Variants in NELL1 observed in about 807,000 individuals in gnomAD.
The protein encoded by NELL1 is protein kinase C-binding protein NELL1.
NELL1 carries 76 observed loss-of-function variants against 107.4 expected under a neutral mutation model. The observed-to-expected ratio is 0.71, with a 90% CI of 0.59 to 0.86. The LOEUF (loss-of-function observed/expected upper bound fraction) is 0.86. NELL1 is among the 40% of genes least tolerant of loss of function. NELL1 has a pLI of 0.00. For missense variants in NELL1, 1,024 were observed against 1,005.5 expected (o/e 1.02, Z -0.25); for synonymous variants, 353 against 341.2 (o/e 1.03, Z -0.38).
At chr11:20,784,957 A>G (rs1274269240) in intron 3 of NELL1, among the ~76,000 whole-genome samples, 1 of 152,236 alleles carries the variant, frequency 6.6e-6, no homozygotes, top group Non-Finnish European at 1.5e-5. Flanking sequence ...TAATTTCAAA[A>G]TTACATAAAT....
chr11:21,114,320 C>G (rs528945265), intron 13 of NELL1, among the ~76,000 whole-genome samples: 1 of 152,090 alleles, frequency 6.6e-6, no homozygotes, highest in East Asian at 1.9e-4. Context: ...CATGTACATA[C>G]AGACATGAAC....
chr11:20,903,280 G>T (rs1475094265), intron 5 of NELL1, among the ~76,000 whole-genome samples: 1 of 152,042 alleles, frequency 6.6e-6, no homozygotes, highest in Non-Finnish European at 1.5e-5. Context: ...GCAATGGTGT[G>T]TCTTGTTCTG....
At chr11:21,341,245 A>G (rs1429083935) in intron 14 of NELL1, among the ~76,000 whole-genome samples, 2 of 152,202 alleles carry the variant, frequency 1.3e-5, no homozygotes, top group African/African-American at 2.4e-5. Flanking sequence ...CAGGTTTGAC[A>G]TCTACATTGT....
At chr11:21,311,977 G>T (rs567283298) in intron 14 of NELL1, among the ~76,000 whole-genome samples, 7 of 152,184 alleles carry the variant, frequency 4.6e-5, no homozygotes, top group African/African-American at 1.7e-4. Flanking sequence ...TCATAAAAGA[G>T]AACTAGTTAG....
chr11:20,789,004 A>G (rs975326308), intron 3 of NELL1, among the ~76,000 whole-genome samples: 1 of 152,134 alleles, frequency 6.6e-6, no homozygotes, highest in African/African-American at 2.4e-5. Flanking sequence ...CTTTTCTTCC[A>G]GTGAATTGTA....
intron 5 of NELL1, among the ~76,000 whole-genome samples, chr11:20,896,337 G>A (rs574344607): frequency 6.6e-6 from 1 of 152,206 alleles, no homozygotes; most frequent in Admixed American, 6.5e-5. Flanking sequence ...TGGCTGAGTA[G>A]TATTTATATA....
chr11:20,751,603 A>G (rs1229091403), intron 2 of NELL1, among the ~76,000 whole-genome samples: 1 of 151,738 alleles, frequency 6.6e-6, no homozygotes, highest in Non-Finnish European at 1.5e-5. Context: ...CAGCCTTCTT[A>G]GTAGCTGGGA....
chr11:20,703,274 T>G (rs1854846600), intron 2 of NELL1, among the ~76,000 whole-genome samples: 1 of 152,228 alleles, frequency 6.6e-6, no homozygotes, highest in Admixed American at 6.5e-5. Flanking sequence ...CTAGATTTTC[T>G]AGTTCATTTA....
At chr11:20,883,695 A>G (rs533984804) in intron 4 of NELL1, among the ~76,000 whole-genome samples, 10 of 152,336 alleles carry the variant, frequency 6.6e-5, no homozygotes, top group African/African-American at 1.4e-4. Context: ...ATAATTTTGC[A>G]TTCCCTTTTT....
intron 14 of NELL1, among the ~76,000 whole-genome samples, chr11:21,234,465 G>C (rs1858149744): frequency 6.6e-6 from 1 of 152,080 alleles, no homozygotes; most frequent in Non-Finnish European, 1.5e-5. Context: ...CACCATGATT[G>C]GGCGTGGGAC....
intron 14 of NELL1, among the ~76,000 whole-genome samples, chr11:21,306,787 A>G (rs1338384015): frequency 6.6e-6 from 1 of 152,084 alleles, no homozygotes. Flanking sequence ...GTGAAAGAGA[A>G]GAATATTTTT....
intron 15 of NELL1, among the ~76,000 whole-genome samples, chr11:21,532,730 G>C (rs376719886): frequency 6.6e-6 from 1 of 152,240 alleles, no homozygotes. Context: ...TTATCCTTCA[G>C]CCTAACATAG....
intron 12 of NELL1, among the ~76,000 whole-genome samples, chr11:21,101,085 C>T (rs917893556): frequency 3.1e-4 from 47 of 151,046 alleles, no homozygotes; most frequent in Admixed American, 2.2e-3. Flanking sequence ...TGAGAATATG[C>T]GGTGTTTGGA....
intron 13 of NELL1, among the ~76,000 whole-genome samples, chr11:21,153,296 T>C (rs1386899429): frequency 6.6e-6 from 1 of 152,106 alleles, no homozygotes; most frequent in Non-Finnish European, 1.5e-5. Flanking sequence ...GCCTTGTGTC[T>C]GAGTTAGTGG....
intron 13 of NELL1, among the ~76,000 whole-genome samples, chr11:21,197,574 G>A (rs549795749): frequency 8.7e-4 from 132 of 152,284 alleles, no homozygotes; most frequent in Non-Finnish European, 1.8e-3. Context: ...AGTTCCCAGG[G>A]CAATTACTGA....
At chr11:21,257,990 T>C (rs1194529519) in intron 14 of NELL1, among the ~76,000 whole-genome samples, 5 of 151,930 alleles carry the variant, frequency 3.3e-5, no homozygotes, top group African/African-American at 4.8e-5. Flanking sequence ...GGGAGACACA[T>C]TGGTGGGAAG....
intron 5 of NELL1, among the ~76,000 whole-genome samples, chr11:20,909,995 C>G (rs1478267656): frequency 6.6e-6 from 1 of 152,120 alleles, no homozygotes; most frequent in African/African-American, 2.4e-5. Context: ...TCAGTAAGCT[C>G]ACAGGTCTGC....
At chr11:21,088,429 AATCTAGTGAGTCCAGACTCAAACCTGCCT>A (rs1854448829) in intron 12 of NELL1, among the ~76,000 whole-genome samples, 1 of 152,114 alleles carries the variant, frequency 6.6e-6, no homozygotes, top group Non-Finnish European at 1.5e-5. Context: ...TAAAACAACA[AATCTAGTGAGTCCAGACTCAAACCTGCCT>A]TTGGCTCCAA....
At chr11:21,066,905 G>A (rs1303571550) in intron 12 of NELL1, among the ~76,000 whole-genome samples, 1 of 152,028 alleles carries the variant, frequency 6.6e-6, no homozygotes, top group Non-Finnish European at 1.5e-5. Context: ...AGTGAGCCAA[G>A]ATTGCACCAC....
Sources: gnomAD v4.1 joint callset for allele counts (sites outside exome capture counted in the v4.1 genomes callset) on GRCh38, gnomAD v4.1.1 for gene constraint, MANE v1.5 for transcripts, NCBI Gene and HGNC (gene_info 2026-07-23, HGNC 2026-07-21) for gene names.